Variants in ADARB1 observed in about 807,000 individuals in gnomAD.
The protein encoded by ADARB1 is adenosine deaminase RNA specific B1.
A neutral mutation model predicts 52.4 loss-of-function variants in ADARB1; 10 were observed. That is an observed-to-expected ratio of 0.19 (90% confidence interval 0.12 to 0.32). The LOEUF (loss-of-function observed/expected upper bound fraction) is 0.32, where lower values mean the gene tolerates loss of function less well. Ranked by LOEUF, ADARB1 falls within the 10% of genes least tolerant of loss-of-function variation. ADARB1 has a pLI of 1.00. For missense variants in ADARB1, 643 were observed against 922.3 expected, an observed-to-expected ratio of 0.70 and a Z score of 3.92; for synonymous variants, 349 against 371.1, an observed-to-expected ratio of 0.94 and a Z score of 0.68.
At chr21:45,148,279 G>A (rs1430566124) in intron 2 of ADARB1, among the ~76,000 whole-genome samples, 1 of 152,196 alleles carries the variant, frequency 6.6e-6, no homozygotes, top group Non-Finnish European at 1.5e-5. Context: ...CTGGGTAAAA[G>A]GAATTAAGGT....
chr21:45,168,712 C>T (rs1024788063), intron 2 of ADARB1, among the ~76,000 whole-genome samples: 2 of 152,172 alleles, frequency 1.3e-5, no homozygotes, highest in African/African-American at 2.4e-5. Context: ...GTAATAAATG[C>T]TGAGATCAGC....
At chr21:45,209,314 C>T (rs1253008900) in intron 9 of ADARB1, among the ~76,000 whole-genome samples, 1 of 152,164 alleles carries the variant, frequency 6.6e-6, no homozygotes, top group African/African-American at 2.4e-5. Context: ...CGTAAGAGCT[C>T]CTGGTTTCTC....
At chr21:45,082,601 A>T (rs2086196445) in intron 1 of ADARB1, among the ~76,000 whole-genome samples, 1 of 152,220 alleles carries the variant, frequency 6.6e-6, no homozygotes, top group Non-Finnish European at 1.5e-5. Context: ...TCAGATCAGA[A>T]AACTGATGCT....
Position 45,180,952 on chromosome 21 carries a change from C to G in ADARB1, c.1078+508C>G, listed in dbSNP as rs79593938. Among the ~76,000 whole-genome samples the G allele has an allele frequency of 3.7e-3, 563 of 152,270 alleles. 7 individuals are homozygous for G. Among genetic ancestry groups the G allele is most frequent in the African/African-American group, 0.013 (528 of 41,550 alleles). Reference sequence around the variant, plus strand: ...AGTTCCCAGTAGCAAAAGGAACCCCCGAGTCCTCTCCCCACATCCCGCGAG... The same window carrying G: ...AGTTCCCAGTAGCAAAAGGAACCCCGGAGTCCTCTCCCCACATCCCGCGAG... On this transcript the variant is annotated intron_variant, in intron 5 of 10. Transcript: ENST00000348831.
At chr21:45,115,533 A>G (rs534286770) in intron 1 of ADARB1, among the ~76,000 whole-genome samples, 38 of 152,384 alleles carry the variant, frequency 2.5e-4, no homozygotes, top group Admixed American at 2.2e-3. Flanking sequence ...TCAAATTAGC[A>G]GCCAGATCAC....
chr21:45,082,246 T>A (rs1263049289), intron 1 of ADARB1, among the ~76,000 whole-genome samples: 1 of 152,218 alleles, frequency 6.6e-6, no homozygotes, highest in Non-Finnish European at 1.5e-5. Context: ...TATTTGTTTG[T>A]ATAGATACCT....
In ADARB1 at chr21:45,157,718, G is replaced by A. The variant is rs924333085; in HGVS notation, c.-47-13892G>A. 4.6e-5 allele frequency among the ~76,000 whole-genome samples: 7 copies of A among 152,250 alleles called. No individual in the cohort carries two copies. The highest frequency in any genetic ancestry group is 4.6e-4 in the Admixed American group (7 of 15,302). The stretch of plus-strand genomic sequence containing the variant: ...ATAGGGTGGGGGTAACGAGGGAGAG[G>A]GACAAGAAGGGCCAGGGCTTGTGAC... On this transcript the variant is annotated intron_variant, in intron 2 of 10. Transcript: ENST00000348831. This position sits in a 1 kb window ranked among gnomAD's most constrained non-coding sequence, Gnocchi z 4.1.
chr21:45,098,936 A>G (rs894143246), intron 1 of ADARB1, among the ~76,000 whole-genome samples: 8 of 152,270 alleles, frequency 5.3e-5, no homozygotes, highest in East Asian at 1.9e-4. Flanking sequence ...GGTTATTCTT[A>G]GTATTCTAGG....
intron 5 of ADARB1, among the ~76,000 whole-genome samples, 194 bp downstream of exon 5, chr21:45,180,638 C>G (rs1284264054): frequency 1.3e-5 from 2 of 152,146 alleles, no homozygotes; most frequent in African/African-American, 2.4e-5. Flanking sequence ...ATCTTTTTAA[C>G]CTAAGTTTGT....
intron 1 of ADARB1, among the ~76,000 whole-genome samples, chr21:45,082,264 T>C (rs78677394): frequency 0.018 from 2,683 of 152,342 alleles, 25 homozygotes; most frequent in Non-Finnish European, 0.021. Flanking sequence ...CCTCTCAACT[T>C]ACGATGAGGT....
At chr21:45,130,601 A>T (rs576731149) in intron 2 of ADARB1, among the ~76,000 whole-genome samples, 26 of 152,356 alleles carry the variant, frequency 1.7e-4, no homozygotes, top group African/African-American at 6.0e-4. Context: ...ATAAATAAAC[A>T]TGAAAGATTT....
At chr21:45,130,240 AT>A (rs1434639409) in intron 2 of ADARB1, among the ~76,000 whole-genome samples, 1 of 152,252 alleles carries the variant, frequency 6.6e-6, no homozygotes, top group Non-Finnish European at 1.5e-5. Flanking sequence ...TGCATTAATT[AT>A]GCCATATATG....
chr21:45,198,875 C>T (rs56335759), intron 8 of ADARB1, among the ~76,000 whole-genome samples: 2,345 of 151,594 alleles, frequency 0.015, 67 homozygotes, highest in African/African-American at 0.052. Flanking sequence ...TTCATTAATT[C>T]CTCTTAAATC....
At chr21:45,195,357 G>A (rs1362113920) in intron 8 of ADARB1, among the ~76,000 whole-genome samples, 1 of 152,016 alleles carries the variant, frequency 6.6e-6, no homozygotes, top group African/African-American at 2.4e-5. Flanking sequence ...CTAGTCTGTG[G>A]CTTGTCTTTT....
rs370801332 is a variant in ADARB1, at chr21:45,099,481, A to G, written c.-220+24688A>G. 6.0e-5 allele frequency among the ~76,000 whole-genome samples: 9 copies of G among 149,070 alleles called. No individual in the cohort carries two copies. The East Asian group carries it at 1.8e-3, about 30-fold the overall frequency. On this transcript the variant is annotated intron_variant, in intron 1 of 10. Coordinates refer to ENST00000348831, the MANE Select transcript of ADARB1 (RefSeq NM_001112.4). ...GGAGTTTGAGACCAGCCTGGCCAAC[A>G]TGGTGAAACCCTATCTCTACTAAAA...
At chr21:45,092,378 A>G (rs1266598544) in intron 1 of ADARB1, among the ~76,000 whole-genome samples, 1 of 152,168 alleles carries the variant, frequency 6.6e-6, no homozygotes, top group East Asian at 1.9e-4. Context: ...CTGCATTACA[A>G]CTGTTTGATG....
rs928078055 is a variant in ADARB1 at position 45,157,526 on chromosome 21, C to T, written c.-47-14084C>T. ...AGGCAGGGCCCTGTGAAGGTTTGTG[C>T]TCTCGTGTGCCGGCTCTGACCTGTG... On this transcript the variant is annotated intron_variant, in intron 2 of 10. Coordinates refer to ENST00000348831, the MANE Select transcript of ADARB1 (RefSeq NM_001112.4). This position sits in a 1 kb window ranked among gnomAD's most constrained non-coding sequence, Gnocchi z 4.1. Among the ~76,000 whole-genome samples, 6 of 151,924 alleles carry T rather than the reference C, an allele frequency of 3.9e-5. No homozygotes were observed. Among genetic ancestry groups the T allele is most frequent in the African/African-American group, 1.4e-4 (6 of 41,388 alleles).
intron 2 of ADARB1, among the ~76,000 whole-genome samples, chr21:45,164,968 T>C (rs2091182664): frequency 6.6e-6 from 1 of 152,148 alleles, no homozygotes. Flanking sequence ...TTTACACATG[T>C]GCATTGGTAC....
At chr21:45,146,033 G>A (rs886206576) in intron 2 of ADARB1, 1 of 151,650 alleles carries the variant, frequency 6.6e-6, no homozygotes, top group Non-Finnish European at 1.5e-5. Flanking sequence ...CCTGTGGTGG[G>A]GTTACGGTTT....
Sources: allele counts gnomAD v4.1 joint callset (sites outside exome capture counted in the v4.1 genomes callset), GRCh38; gene constraint gnomAD v4.1.1; non-coding constraint Gnocchi (gnomAD v3.1); transcripts MANE v1.5; gene names NCBI Gene and HGNC (gene_info 2026-07-23, HGNC 2026-07-21).